The following MCTP1 variants were observed in gnomAD, a reference collection of about 807,000 sequenced individuals.
MCTP1 encodes the protein multiple C2 and transmembrane domain-containing protein 1.
In MCTP1, 69 loss-of-function variants were observed where a neutral mutation model predicts 120.6. The observed-to-expected ratio is 0.57, with a 90% CI of 0.47 to 0.70. The LOEUF (loss-of-function observed/expected upper bound fraction) is 0.70. MCTP1 is among the 30% of genes least tolerant of loss of function. The probability of loss-of-function intolerance (pLI) is 0.00; values close to 1 mark genes in which losing one functional copy is unlikely to be tolerated. For missense variants in MCTP1, 1,203 were observed against 1,248.8 expected (o/e 0.96, Z 0.55); for synonymous variants, 529 against 493.1 (o/e 1.07, Z -0.96).
chr5:94,886,034 G>C (rs1303767990), intron 12 of MCTP1, among the ~76,000 whole-genome samples: 1 of 152,110 alleles, frequency 6.6e-6, no homozygotes, highest in African/African-American at 2.4e-5. Context: ...CCAACACTGG[G>C]CTATTGAGAC....
chr5:94,951,892 C>T (rs940995445), intron 3 of MCTP1, among the ~76,000 whole-genome samples: 5 of 152,094 alleles, frequency 3.3e-5, no homozygotes, highest in Admixed American at 3.3e-4. Flanking sequence ...CTATTTAAGG[C>T]CGGGCACGGT....
chr5:94,850,673 C>T (rs1793506011), intron 17 of MCTP1, among the ~76,000 whole-genome samples: 1 of 152,182 alleles, frequency 6.6e-6, no homozygotes, highest in East Asian at 1.9e-4. Flanking sequence ...CCCTCTTTAT[C>T]TTTTGAAGGT....
intron 7 of MCTP1, among the ~76,000 whole-genome samples, chr5:94,922,971 A>C (rs1267893818): frequency 6.7e-6 from 1 of 149,218 alleles, no homozygotes; most frequent in Non-Finnish European, 1.5e-5. Flanking sequence ...TAATTACTAA[A>C]ATAAGCTCAC....
At chr5:95,051,175 G>A (rs1745812160) in intron 1 of MCTP1, among the ~76,000 whole-genome samples, 1 of 152,142 alleles carries the variant, frequency 6.6e-6, no homozygotes, top group Non-Finnish European at 1.5e-5. Context: ...AGTCAGCATT[G>A]TCTTTATTCT....
intron 1 of MCTP1, among the ~76,000 whole-genome samples, chr5:95,205,012 A>G (rs1751465554): frequency 6.6e-6 from 1 of 152,148 alleles, no homozygotes; most frequent in Non-Finnish European, 1.5e-5. Context: ...TGGAAATTCA[A>G]AGGAACCAGA....
chr5:95,262,802 AAAAT>A (rs1184751952), intron 1 of MCTP1, among the ~76,000 whole-genome samples: 1 of 152,218 alleles, frequency 6.6e-6, no homozygotes, highest in Non-Finnish European at 1.5e-5. Flanking sequence ...AAAAAAATAA[AAAAT>A]AAAGTTCATT....
chr5:95,176,082 T>G (rs1747939898), intron 1 of MCTP1, among the ~76,000 whole-genome samples: 1 of 152,198 alleles, frequency 6.6e-6, no homozygotes, highest in Admixed American at 6.5e-5. Flanking sequence ...TTATAGGCCT[T>G]CTTGCCTCCT....
chr5:95,190,149 C>G (rs1749667071), intron 1 of MCTP1, among the ~76,000 whole-genome samples: 1 of 152,060 alleles, frequency 6.6e-6, no homozygotes, highest in African/African-American at 2.4e-5. Flanking sequence ...AACACTCCAG[C>G]AGCATATTAC....
intron 19 of MCTP1, among the ~76,000 whole-genome samples, chr5:94,748,529 T>G (rs1236923658): frequency 6.6e-6 from 1 of 152,250 alleles, no homozygotes; most frequent in Non-Finnish European, 1.5e-5. Flanking sequence ...TTTAGTCCCA[T>G]GCTCTGAAAA....
rs760063509 is a variant in MCTP1, at chr5:94,894,828, C to G, written c.1660G>C (p.Val554Leu). ...KRDDFIGRCQ[V>L]DLSALSREQT... ...TCCCTACTGAGGGCTGACAGGTCGA[C>G]CTGGCACCTAGAGACAAATGTTTTG... The change falls in exon 11 of 23, where the codon GTC becomes CTC. Residue 554 changes from valine (V) to leucine (L), a missense_variant. Transcript: ENST00000515393. The G allele has an allele frequency of 1.3e-6, 2 of 1,568,152 alleles. No individual in the cohort carries two copies. Among genetic ancestry groups the G allele is most frequent in the Admixed American group, 3.5e-5 (2 of 56,900 alleles).
At chr5:95,137,010 C>A (rs1759499948) in intron 1 of MCTP1, among the ~76,000 whole-genome samples, 1 of 152,202 alleles carries the variant, frequency 6.6e-6, no homozygotes, top group Non-Finnish European at 1.5e-5. Flanking sequence ...AGGTTTAAAA[C>A]CTCAACAATG....
chr5:94,950,740 T>C (rs1820310105), intron 3 of MCTP1, among the ~76,000 whole-genome samples: 1 of 151,708 alleles, frequency 6.6e-6, no homozygotes, highest in Non-Finnish European at 1.5e-5. Flanking sequence ...GATCACGAGA[T>C]CAGGAGATCG....
chr5:94,738,692 G>T (rs1182049517), intron 19 of MCTP1, among the ~76,000 whole-genome samples: 1 of 152,168 alleles, frequency 6.6e-6, no homozygotes, highest in Non-Finnish European at 1.5e-5. Flanking sequence ...ATGTACTCCT[G>T]ATCTGTTTCT....
At chr5:94,790,949 G>C (rs755712653) in intron 18 of MCTP1, among the ~76,000 whole-genome samples, 3 of 152,030 alleles carry the variant, frequency 2.0e-5, no homozygotes, top group Non-Finnish European at 2.9e-5. Flanking sequence ...AATTTCTTTA[G>C]GATTTTCTTT....
chr5:94,991,974 C>T (rs1831647518), intron 2 of MCTP1, among the ~76,000 whole-genome samples: 1 of 152,146 alleles, frequency 6.6e-6, no homozygotes, highest in African/African-American at 2.4e-5. Context: ...TTTTAAAACT[C>T]TCAACAAAAT....
At chr5:94,898,425 G>A (rs868045834) in intron 10 of MCTP1, among the ~76,000 whole-genome samples, 15 of 152,130 alleles carry the variant, frequency 9.9e-5, no homozygotes, top group Non-Finnish European at 2.2e-4. Context: ...TGTTGCTGGC[G>A]TTGGCTGAGG....
chr5:95,098,081 T>A (rs912274803), intron 1 of MCTP1, among the ~76,000 whole-genome samples: 1 of 152,168 alleles, frequency 6.6e-6, no homozygotes, highest in African/African-American at 2.4e-5. Context: ...TTACTTAAGT[T>A]CCTGTTTCAT....
intron 2 of MCTP1, among the ~76,000 whole-genome samples, chr5:94,990,458 C>T (rs144691894): frequency 6.6e-6 from 1 of 152,144 alleles, no homozygotes; most frequent in East Asian, 1.9e-4. Context: ...CTTTAGCTGC[C>T]AGAGATCATT....
chr5:94,994,159 T>C (rs1156588181), intron 2 of MCTP1, among the ~76,000 whole-genome samples: 1 of 152,186 alleles, frequency 6.6e-6, no homozygotes, highest in Non-Finnish European at 1.5e-5. Context: ...GAACTGGCTC[T>C]TATTCTGTGG....
Sources: allele counts gnomAD v4.1 joint callset (sites outside exome capture counted in the v4.1 genomes callset), GRCh38; gene constraint gnomAD v4.1.1; transcripts MANE v1.5; gene names NCBI Gene and HGNC (gene_info 2026-07-23, HGNC 2026-07-21).